MYH11: variants seen among roughly 807,000 people sequenced by gnomAD.
MYH11 encodes the protein myosin heavy chain 11, also known as myosin-11.
MYH11 carries 80 observed loss-of-function variants against 246.6 expected under a neutral mutation model. The ratio of observed to expected loss-of-function variants is 0.32; its 90% CI spans 0.27 to 0.39. The LOEUF is 0.39. Ranked by LOEUF, MYH11 falls within the 10% of genes least tolerant of loss-of-function variation. The probability of loss-of-function intolerance (pLI) is 1.00; values close to 1 mark genes in which losing one functional copy is unlikely to be tolerated. For missense variants in MYH11, 2,158 were observed against 2,546.8 expected (o/e 0.85, Z 3.29); for synonymous variants, 1,071 against 1,015.5 (o/e 1.05, Z -1.04).
At chr16:15,775,140 A>G (rs1301321973) in intron 8 of MYH11, among the ~76,000 whole-genome samples, 1 of 152,150 alleles carries the variant, frequency 6.6e-6, no homozygotes, top group East Asian at 1.9e-4. Flanking sequence ...TTTTTAAGCT[A>G]TGCGATTTGT....
At chr16:15,828,225 G>A (rs1434463045) in intron 2 of MYH11, among the ~76,000 whole-genome samples, 2 of 152,188 alleles carry the variant, frequency 1.3e-5, no homozygotes, top group Non-Finnish European at 2.9e-5. Context: ...GCCCTTCATA[G>A]ATGTGCTGCG....
chr16:15,835,355 G>A (rs1049659673), intron 2 of MYH11, among the ~76,000 whole-genome samples: 5 of 152,154 alleles, frequency 3.3e-5, no homozygotes, highest in Non-Finnish European at 5.9e-5. Flanking sequence ...CAGATACCAT[G>A]CTCACAAAGA....
chr16:15,831,230 C>T (rs2043727641), intron 2 of MYH11, among the ~76,000 whole-genome samples: 1 of 151,920 alleles, frequency 6.6e-6, no homozygotes, highest in South Asian at 2.1e-4. Flanking sequence ...TAACCAGCAA[C>T]CACAGTGTCT....
At chr16:15,856,220 T>C (rs200362322) in intron 1 of MYH11, among the ~76,000 whole-genome samples, 1 of 83,182 alleles carries the variant, frequency 1.2e-5, no homozygotes, top group Admixed American at 1.2e-4. Context: ...GGGTGAGTTG[T>C]TTTTTTTTTT....
chr16:15,727,101 G>T, intron 27 of MYH11, 47 bp from the exon 28 acceptor site: 1 of 1,589,456 alleles, frequency 6.3e-7, no homozygotes, highest in Non-Finnish European at 8.6e-7. Flanking sequence ...GCTGTGGCCG[G>T]GAGAACGTTT....
intron 7 of MYH11, among the ~76,000 whole-genome samples, chr16:15,778,394 G>C (rs1435604126): frequency 6.6e-6 from 1 of 152,144 alleles, no homozygotes; most frequent in Non-Finnish European, 1.5e-5. Flanking sequence ...CCCTTACTCT[G>C]CACCTCGCAT....
intron 2 of MYH11, among the ~76,000 whole-genome samples, chr16:15,830,026 T>C (rs1463457862): frequency 6.6e-6 from 1 of 151,958 alleles, no homozygotes; most frequent in Non-Finnish European, 1.5e-5. Flanking sequence ...TCCCAGCTAC[T>C]CGGGAAGCTG....
At chr16:15,730,726 G>A (rs2040935770) in intron 27 of MYH11, among the ~76,000 whole-genome samples, 1 of 152,110 alleles carries the variant, frequency 6.6e-6, no homozygotes, top group Admixed American at 6.6e-5. Flanking sequence ...AACGCTGAGG[G>A]TAATGTAACT....
At chr16:15,852,220 C>A (rs2044348148) in intron 1 of MYH11, among the ~76,000 whole-genome samples, 1 of 152,124 alleles carries the variant, frequency 6.6e-6, no homozygotes, top group Non-Finnish European at 1.5e-5. Context: ...CATCCCAAAA[C>A]CATCCTCCCC....
chr16:15,841,944 C>T (rs1378587096), intron 1 of MYH11, among the ~76,000 whole-genome samples: 1 of 152,222 alleles, frequency 6.6e-6, no homozygotes, highest in East Asian at 1.9e-4. Flanking sequence ...ACCCATGTCC[C>T]ACTCCTGGAT....
intron 2 of MYH11, 119 bp from the exon 3 acceptor site, chr16:15,823,530 A>G: frequency 7.9e-7 from 1 of 1,270,910 alleles, no homozygotes; most frequent in Non-Finnish European, 1.1e-6. Flanking sequence ...CTTAGTGGAA[A>G]CCCTGGGCCT....
intron 40 of MYH11, among the ~76,000 whole-genome samples, chr16:15,705,469 C>T (rs1477077896): frequency 6.6e-6 from 1 of 152,212 alleles, no homozygotes; most frequent in African/African-American, 2.4e-5. Flanking sequence ...GATCTGCCTG[C>T]TGCCAGCCTT....
At chr16:15,742,673 G>T (rs1025281694) in intron 20 of MYH11, among the ~76,000 whole-genome samples, 2 of 152,032 alleles carry the variant, frequency 1.3e-5, no homozygotes, top group Admixed American at 6.6e-5. Flanking sequence ...TGAGGCTGCA[G>T]TGAGCCACGA....
At chr16:15,843,882 G>A (rs2044121175) in intron 1 of MYH11, among the ~76,000 whole-genome samples, 1 of 152,046 alleles carries the variant, frequency 6.6e-6, no homozygotes, top group Non-Finnish European at 1.5e-5. Flanking sequence ...GGGTGATGAT[G>A]ATGATGCTGG....
chr16:15,766,779 T>C (rs2041992825), intron 9 of MYH11, among the ~76,000 whole-genome samples: 1 of 152,194 alleles, frequency 6.6e-6, no homozygotes, highest in Admixed American at 6.5e-5. Context: ...TAGTTAAATG[T>C]AATTCCAGAA....
At chr16:15,783,649 C>G (rs1431553485) in intron 5 of MYH11, 3 of 152,110 alleles carry the variant, frequency 2.0e-5, no homozygotes, top group South Asian at 2.1e-4. Flanking sequence ...GGTGGGAAGA[C>G]GACTAAAGGA....
intron 1 of MYH11, among the ~76,000 whole-genome samples, chr16:15,849,330 C>A (rs1170752490): frequency 6.6e-6 from 1 of 152,192 alleles, no homozygotes; most frequent in Non-Finnish European, 1.5e-5. Flanking sequence ...CCTCGTCCAA[C>A]TTTCTCGAAT....
rs541626936 is a variant in MYH11 at position 15,755,888 on chromosome 16, G to A, written c.1749+453C>T. The stretch of plus-strand genomic sequence containing the variant: ...AGAGGTTGCAGTTAGCAGAGATCAC[G>A]CCATTGCACTCCAGCCTGGATGACA... On this transcript the variant is annotated intron_variant, in intron 14 of 40. Coordinates refer to ENST00000300036, the MANE Select transcript of MYH11 (RefSeq NM_002474.3). Among the ~76,000 whole-genome samples the A allele has an allele frequency of 9.2e-5, 14 of 152,292 alleles. No individual in the cohort carries two copies. In the South Asian group the frequency reaches 1.4e-3, roughly 16 times the overall value.
intron 1 of MYH11, among the ~76,000 whole-genome samples, chr16:15,846,590 T>C (rs1170723393): frequency 6.6e-6 from 1 of 152,182 alleles, no homozygotes; most frequent in Admixed American, 6.5e-5. Flanking sequence ...GGCTCACGCC[T>C]GTAATCCCAG....
Sources: allele counts gnomAD v4.1 joint callset (sites outside exome capture counted in the v4.1 genomes callset), GRCh38; gene constraint gnomAD v4.1.1; transcripts MANE v1.5; gene names NCBI Gene and HGNC (gene_info 2026-07-23, HGNC 2026-07-21).